The following KCNH5 variants were observed in gnomAD, a reference collection of about 807,000 sequenced individuals.
The protein encoded by KCNH5 is voltage-gated delayed rectifier potassium channel KCNH5.
Under a neutral mutation model 96.1 loss-of-function variants are expected in KCNH5, and 46 were observed. The ratio of observed to expected loss-of-function variants is 0.48; its 90% CI spans 0.38 to 0.61. The LOEUF (loss-of-function observed/expected upper bound fraction) is 0.61, where lower values mean the gene tolerates loss of function less well. Among genes scored for constraint, KCNH5 ranks in the 20% least tolerant of loss-of-function variants. KCNH5 has a pLI of 0.00. For synonymous variants in KCNH5, 439 were observed against 449.8 expected, an observed-to-expected ratio of 0.98 and a Z score of 0.30; for missense variants, 907 against 1,225.8, an observed-to-expected ratio of 0.74 and a Z score of 3.88.
intron 10 of KCNH5, among the ~76,000 whole-genome samples, chr14:62,730,942 T>C: frequency 6.6e-6 from 1 of 152,150 alleles, no homozygotes; most frequent in East Asian, 1.9e-4. Flanking sequence ...TTCCACTGAA[T>C]TTATTTTATT....
chr14:62,799,691 T>TTATATATATATATATATATATATA (rs71410693), intron 9 of KCNH5, among the ~76,000 whole-genome samples: 1 of 58,018 alleles, frequency 1.7e-5, no homozygotes, highest in Non-Finnish European at 3.4e-5. Flanking sequence ...GTATATACCT[T>TTATATATATATATATATATATATA]TATATATATA....
chr14:62,969,869 C>T (rs1239108306), intron 6 of KCNH5, among the ~76,000 whole-genome samples: 1 of 148,754 alleles, frequency 6.7e-6, no homozygotes, highest in Non-Finnish European at 1.5e-5. Context: ...CGAGACCACC[C>T]TGGGCAACGC....
intron 8 of KCNH5, among the ~76,000 whole-genome samples, chr14:62,818,109 CGG>C (rs561437417): frequency 4.2e-4 from 15 of 36,114 alleles, no homozygotes; most frequent in African/African-American, 1.2e-3. Context: ...GAGCTGGGGG[CGG>C]GGGGGGGGTG....
intron 8 of KCNH5, among the ~76,000 whole-genome samples, chr14:62,815,107 T>C (rs143064936): frequency 6.6e-6 from 1 of 152,248 alleles, no homozygotes; most frequent in East Asian, 1.9e-4. Context: ...GCAATGAGAA[T>C]GAAAGAAGTA....
In KCNH5 at chr14:62,950,301, G is replaced by A. The variant is rs753034623; in HGVS notation, c.1201C>T (p.Arg401Cys). 35 of 1,613,866 alleles carry A rather than the reference G, an allele frequency of 2.2e-5. No homozygotes were observed. The East Asian group carries it at 4.2e-4, about 20-fold the overall frequency. The stretch of plus-strand genomic sequence containing the variant: ...CATATCCCAGCACTGGTATTGTAGC[G>A]ATATGGAGTCCCAATGCTCAAAGCC... ...QLALSIGTPYRYNTSAGIWEG... is the reference protein window; with the variant it reads ...QLALSIGTPYCYNTSAGIWEG... The change falls in exon 7 of 11, where the codon CGC becomes TGC. Residue 401 changes from arginine (R) to cysteine (C), a missense_variant. Arg to Cys is a radical substitution (Grantham distance 180). Transcript: ENST00000322893.
intron 7 of KCNH5, among the ~76,000 whole-genome samples, chr14:62,949,138 T>A (rs978288805): frequency 6.6e-6 from 1 of 152,176 alleles, no homozygotes; most frequent in African/African-American, 2.4e-5. Context: ...CTATTCAACA[T>A]AGTGTTGGAA....
intron 9 of KCNH5, among the ~76,000 whole-genome samples, chr14:62,787,212 T>A (rs976167659): frequency 3.3e-5 from 5 of 152,142 alleles, no homozygotes; most frequent in African/African-American, 1.2e-4. Context: ...AACACATGAA[T>A]GACAAGAAAA....
At chr14:62,889,779 T>C (rs1287799521) in intron 7 of KCNH5, among the ~76,000 whole-genome samples, 2 of 152,200 alleles carry the variant, frequency 1.3e-5, no homozygotes, top group African/African-American at 2.4e-5. Flanking sequence ...TCCTGCATAG[T>C]ACTATTGCAT....
intron 9 of KCNH5, among the ~76,000 whole-genome samples, chr14:62,781,313 G>T (rs1886207086): frequency 6.6e-6 from 1 of 152,180 alleles, no homozygotes; most frequent in South Asian, 2.1e-4. Context: ...TGGAGGCAGG[G>T]CGAGATCACA....
intron 7 of KCNH5, among the ~76,000 whole-genome samples, chr14:62,927,996 G>T (rs1889507404): frequency 6.6e-6 from 1 of 152,080 alleles, no homozygotes; most frequent in African/African-American, 2.4e-5. Context: ...CCGACACTGT[G>T]AAGAACGTGC....
rs560029469 is a variant in KCNH5 at position 62,915,079 on chromosome 14, C to T, written c.1369+35054G>A. On this transcript the variant is annotated intron_variant, in intron 7 of 10. Coordinates refer to ENST00000322893, the MANE Select transcript of KCNH5 (RefSeq NM_139318.5). ...TGCACCACAGGTGTGAACCAGAGAT[C>T]TCCCTGCTCCAGTTAAGCAATATGT... Among the ~76,000 whole-genome samples, 18 of 152,348 alleles carry T rather than the reference C, an allele frequency of 1.2e-4. No homozygotes were observed. In the South Asian group the frequency reaches 3.7e-3, roughly 32 times the overall value.
rs189772663 is a variant in KCNH5 at position 62,744,423 on chromosome 14, C to T, written c.2019+35305G>A. ...TATTATAATTATTCTCATTTAAAAA[C>T]GACCAAATTGAAGCACAAGAGATTA... is the stretch of plus-strand genomic sequence containing the variant. On this transcript the variant is annotated intron_variant, in intron 10 of 10. Transcript: ENST00000322893. 1.8e-3 allele frequency among the ~76,000 whole-genome samples: 273 copies of T among 152,202 alleles called. 2 individuals carry two copies. Among genetic ancestry groups the T allele is most frequent in the African/African-American group, 6.3e-3 (260 of 41,524 alleles).
rs546494795 is a variant in KCNH5, at chr14:62,762,679, T to A, written c.2019+17049A>T. 9.3e-5 allele frequency among the ~76,000 whole-genome samples: 14 copies of A among 151,226 alleles called. No homozygotes were observed. The South Asian group carries it at 2.5e-3, about 27-fold the overall frequency. The stretch of plus-strand genomic sequence containing the variant: ...CATCCACAGGCTCAAAGTAAAGGGA[T>A]GGAGAAAAATCTAACAAGCAAATGG... On this transcript the variant is annotated intron_variant, in intron 10 of 10. Coordinates refer to ENST00000322893, the MANE Select transcript of KCNH5 (RefSeq NM_139318.5).
At chr14:62,896,321 T>C (rs1362596591) in intron 7 of KCNH5, among the ~76,000 whole-genome samples, 1 of 152,232 alleles carries the variant, frequency 6.6e-6, no homozygotes, top group Non-Finnish European at 1.5e-5. Flanking sequence ...AACAGTTCAA[T>C]TCACTTTTTT....
chr14:62,788,066 T>C (rs1886355965), intron 9 of KCNH5, among the ~76,000 whole-genome samples: 1 of 152,232 alleles, frequency 6.6e-6, no homozygotes, highest in East Asian at 1.9e-4. Context: ...TCATAGATAC[T>C]GATCCATCTA....
chr14:62,849,255 G>A (rs1322701230), intron 8 of KCNH5, among the ~76,000 whole-genome samples: 1 of 152,124 alleles, frequency 6.6e-6, no homozygotes, highest in Non-Finnish European at 1.5e-5. Flanking sequence ...TTATAGGCAG[G>A]AAGTCTCTTT....
At chr14:62,748,827 A>G (rs1885435056) in intron 10 of KCNH5, among the ~76,000 whole-genome samples, 1 of 152,160 alleles carries the variant, frequency 6.6e-6, no homozygotes, top group South Asian at 2.1e-4. Context: ...CTTGTCTTGT[A>G]TTCCTGCACA....
At chr14:62,712,770 T>A (rs1335116182) in intron 10 of KCNH5, 1 of 754,130 alleles carries the variant, frequency 1.3e-6, no homozygotes, top group Non-Finnish European at 2.5e-6. Context: ...GGGAAAGCGG[T>A]AGCCTAGACC....
chr14:62,991,848 TAA>T (rs1321227029), intron 4 of KCNH5, among the ~76,000 whole-genome samples: 1 of 152,060 alleles, frequency 6.6e-6, no homozygotes, highest in African/African-American at 2.4e-5. Context: ...TTAATTTATA[TAA>T]AGTTATGAGG....
Sources: allele counts gnomAD v4.1 joint callset (sites outside exome capture counted in the v4.1 genomes callset), GRCh38; gene constraint gnomAD v4.1.1; transcripts MANE v1.5; gene names NCBI Gene and HGNC (gene_info 2026-07-23, HGNC 2026-07-21).